Variants in SEMA4G observed in about 807,000 individuals in gnomAD.
The protein encoded by SEMA4G is semaphorin 4G, also known as semaphorin-4G.
In SEMA4G, 59 loss-of-function variants were observed where a neutral mutation model predicts 81.2. The ratio of observed to expected loss-of-function variants is 0.73; its 90% confidence interval spans 0.59 to 0.90. SEMA4G has a LOEUF of 0.90. Ranked by LOEUF, SEMA4G falls within the 40% of genes least tolerant of loss-of-function variation. The probability of loss-of-function intolerance (pLI) is 0.00; values close to 1 mark genes in which losing one functional copy is unlikely to be tolerated. For synonymous variants in SEMA4G, 404 were observed against 433.9 expected (o/e 0.93, Z 0.86); for missense variants, 952 against 1,102.3 (o/e 0.86, Z 1.93).
intron 6 of SEMA4G, 37 bp downstream of exon 7, chr10:100,978,677 G>A (rs774043717): frequency 1.0e-5 from 16 of 1,591,894 alleles, no homozygotes; most frequent in African/African-American, 1.3e-5. Flanking sequence ...GGGGGGTAGG[G>A]GACTATTTCT....
In SEMA4G at chr10:100,977,595, GCAGGGGGCTCACAGCCCTCTC is replaced by G. The variant is rs1200365802; in HGVS notation, c.337-34_337-14del. ...ACTAATGGAGGAGGCTTCTAGTCAG[GCAGGGGGCTCACAGCCCTCTC>G]CACCTCATCCCACAGACGGAGTGCT... On this transcript the variant is annotated splice_polypyrimidine_tract_variant and intron_variant, in intron 3 of 13. Coordinates refer to ENST00000370250, the Ensembl canonical transcript of SEMA4G. The G allele has an allele frequency of 6.5e-7, 1 of 1,546,660 alleles. No individual in the cohort carries two copies. Among genetic ancestry groups the G allele is most frequent in the African/African-American group, 1.4e-5 (1 of 73,668 alleles).
intron 13 of SEMA4G, among the ~76,000 whole-genome samples, chr10:100,981,815 C>T (rs1482970392): frequency 6.6e-6 from 1 of 152,040 alleles, no homozygotes; most frequent in South Asian, 2.1e-4. Flanking sequence ...CCCAGCACTT[C>T]GGGAGGCTGA....
In SEMA4G at chr10:100,975,062, C is replaced by T. The variant is rs750663024; in HGVS notation, c.336+1453C>T. 2.1e-5 allele frequency: 11 copies of T among 533,470 alleles called. No homozygotes were observed. The Admixed American group carries it at 2.1e-4, about 10-fold the overall frequency. The allele number at this position is 533,470 out of a possible 1,614,324, so 33.0% of individuals were successfully genotyped here. ...CTCCAAGAGCTTCCATCAAAGGCTG[C>T]CTCTTGGTGCAGCACAGGTAGAAAA... On this transcript the variant is annotated intron_variant, in intron 3 of 13. Coordinates refer to ENST00000370250, the Ensembl canonical transcript of SEMA4G.
Position 100,984,748 on chromosome 10 carries a change from C to T in SEMA4G, c.*617C>T, listed in dbSNP as rs1341846221. ...CCACATCCTATCTGGTCCTCTTCCC[C>T]AGCCCCATGTGGTGACCTCTTTGTC... On this transcript the variant is annotated 3_prime_UTR_variant, in exon 14 of 14. Transcript: ENST00000370250. 2.4e-5 allele frequency: 37 copies of T among 1,536,046 alleles called. No individual in the cohort carries two copies. The East Asian group carries it at 9.0e-4, about 38-fold the overall frequency.
At chr10:100,975,072 C>T (rs374938070) in intron 3 of SEMA4G, 49 of 531,106 alleles carry the variant, frequency 9.2e-5, no homozygotes, top group African/African-American at 8.3e-4. Flanking sequence ...CCTCTTGGTG[C>T]AGCACAGGTA....
At chr10:100,975,033 G>T (rs945393993) in intron 3 of SEMA4G, 1 of 534,332 alleles carries the variant, frequency 1.9e-6, no homozygotes, top group Non-Finnish European at 3.8e-6. Context: ...GTTTAAAAAG[G>T]CATCTCCAAG....
At chr10:100,982,816 G>T (rs1408382509) in intron 13 of SEMA4G, among the ~76,000 whole-genome samples, 1 of 152,126 alleles carries the variant, frequency 6.6e-6, no homozygotes, top group African/African-American at 2.4e-5. Context: ...AAACAAAAAG[G>T]CGAGCAAGAA....
At chr10:100,980,991 G>A (rs779066804) in intron 12 of SEMA4G, 3 of 1,596,284 alleles carry the variant, frequency 1.9e-6, no homozygotes, top group East Asian at 2.2e-5. Context: ...AGGTCCCAGG[G>A]AAGCAGGTGG....
At chr10:100,975,823 C>T (rs1020829494) in intron 3 of SEMA4G, among the ~76,000 whole-genome samples, 1 of 152,076 alleles carries the variant, frequency 6.6e-6, no homozygotes, top group Non-Finnish European at 1.5e-5. Context: ...TCTCTTGAAC[C>T]CGGGAGGCGG....
chr10:100,984,030 G>C (rs1402208941), exon 14 of SEMA4G: 1 of 1,613,516 alleles, frequency 6.2e-7, no homozygotes, highest in Non-Finnish European at 8.5e-7. Flanking sequence ...CAACAATGGA[G>C]TACCAGCAGG....
chr10:100,983,318 ACTG>A lies in SEMA4G; in HGVS notation c.1705_1707del (p.Leu569del), dbSNP rs755081302. The A allele has an allele frequency of 5.2e-6, 8 of 1,552,610 alleles. No homozygotes were observed. The Admixed American group carries it at 9.4e-5, about 18-fold the overall frequency. ...CAAACCCCACAGGGCCACCACCACC[ACTG>A]AAGACCCGCTCTGTGCTCCGGGGTG... On this transcript the variant is annotated inframe_deletion, in exon 14 of 14. Coordinates refer to ENST00000370250, the Ensembl canonical transcript of SEMA4G.
intron 3 of SEMA4G, among the ~76,000 whole-genome samples, chr10:100,977,360 AG>A (rs1050588834): frequency 3.5e-4 from 53 of 152,276 alleles, no homozygotes; most frequent in African/African-American, 1.2e-3. Context: ...CTTGAACCAG[AG>A]GTGGAGGGAA....
intron 4 of SEMA4G, 25 bp downstream of exon 5, chr10:100,977,755 ATC>A: frequency 1.3e-6 from 2 of 1,567,446 alleles, no homozygotes; most frequent in Non-Finnish European, 1.8e-6. Flanking sequence ...GTTGTGCCAG[ATC>A]TCTGTTGACT....
chr10:100,971,697 GC>G (rs1367820338), upstream of SEMA4G, among the ~76,000 whole-genome samples: 1 of 152,168 alleles, frequency 6.6e-6, no homozygotes, highest in Admixed American at 6.5e-5. Context: ...TGATTAGGAG[GC>G]CTGTTACAGG....
At chr10:100,972,229 C>T (rs1241200131), upstream of SEMA4G, among the ~76,000 whole-genome samples, 2 of 152,128 alleles carry the variant, frequency 1.3e-5, no homozygotes, top group Non-Finnish European at 2.9e-5. Context: ...GCATTCTCTC[C>T]AAGAACCCCA....
exon 14 of SEMA4G, chr10:100,984,259 G>A (rs1851306652): frequency 6.9e-7 from 1 of 1,445,584 alleles, no homozygotes; most frequent in Non-Finnish European, 9.0e-7. Flanking sequence ...ACTTTTTGAT[G>A]TCCCTGTAGG....
At chr10:100,984,171 A>G (rs1483848011) in exon 14 of SEMA4G, 5 of 1,571,344 alleles carry the variant, frequency 3.2e-6, no homozygotes, top group Non-Finnish European at 4.3e-6. Context: ...AAGCCAGCCT[A>G]TCTGTCCCAG....
In SEMA4G at chr10:100,979,194, G is replaced by A. The variant is rs1372311283; in HGVS notation, c.906G>A (p.Leu302=). 8 of 1,614,090 alleles carry A rather than the reference G, an allele frequency of 5.0e-6. No individual in the cohort carries two copies. In the East Asian group the frequency reaches 1.3e-4, roughly 27 times the overall value. The change falls in exon 8 of 14, where the codon CTG becomes CTA. Residue 302 remains leucine, a synonymous_variant. Coordinates refer to ENST00000370250, the Ensembl canonical transcript of SEMA4G. ...GCCACATTCCACTGTATGAGACACT[G>A]CGTGGGGTCTGCAGCCTGGATGCTG...
chr10:100,984,336 G>A (rs947584470), exon 14 of SEMA4G: 183 of 1,442,038 alleles, frequency 1.3e-4, no homozygotes, highest in Admixed American at 2.2e-4. Context: ...GAGCAGCCCA[G>A]GCCCATCGGT....
Sources: gnomAD v4.1 joint callset for allele counts (sites outside exome capture counted in the v4.1 genomes callset) on GRCh38, gnomAD v4.1.1 for gene constraint, MANE v1.5 for transcripts, NCBI Gene and HGNC (gene_info 2026-07-23, HGNC 2026-07-21) for gene names.